CPEB1: variants seen among roughly 807,000 people sequenced by gnomAD.
CPEB1 encodes the protein cytoplasmic polyadenylation element binding protein 1.
CPEB1 carries 7 observed loss-of-function variants against 65.8 expected under a neutral mutation model. That is an observed-to-expected ratio of 0.11 (90% CI 0.06 to 0.20). The LOEUF is 0.20. Ranked by LOEUF, CPEB1 falls within the 10% of genes least tolerant of loss-of-function variation. CPEB1 has a pLI of 1.00. For missense variants in CPEB1, 551 were observed against 712.2 expected (o/e 0.77, Z 2.58); for synonymous variants, 262 against 260.0 (o/e 1.01, Z -0.08).
At chr15:82,602,850 C>A (rs1441693243) in intron 3 of CPEB1, among the ~76,000 whole-genome samples, 4 of 151,656 alleles carry the variant, frequency 2.6e-5, no homozygotes, top group African/African-American at 9.7e-5. Flanking sequence ...ATCTCAAAAA[C>A]TAAATAAATA....
intron 3 of CPEB1, chr15:82,573,080 G>C: frequency 2.6e-6 from 4 of 1,535,614 alleles, no homozygotes; most frequent in Non-Finnish European, 2.6e-6. Flanking sequence ...AAGCAGATAC[G>C]GGAAGCATGC....
rs373989343 is a variant in CPEB1, at chr15:82,626,370, G to A, written c.271+823C>T. On this transcript the variant is annotated intron_variant, in intron 3 of 12. Coordinates refer to ENST00000684509, the MANE Select transcript of CPEB1 (RefSeq NM_001365242.1). ...AACCGCTTGAACCAGGGAGTTGGAG[G>A]TTGCAGTGAGCCGAGATCACACCAC... 6.6e-5 allele frequency among the ~76,000 whole-genome samples: 10 copies of A among 151,786 alleles called. No homozygotes were observed. In the East Asian group the frequency reaches 1.9e-3, roughly 29 times the overall value.
intron 1 of CPEB1, among the ~76,000 whole-genome samples, chr15:82,640,379 A>C (rs944476245): frequency 6.6e-6 from 1 of 152,160 alleles, no homozygotes; most frequent in African/African-American, 2.4e-5. Context: ...TCTCTTGCAC[A>C]TAGGAACACA....
At chr15:82,598,689 G>A (rs192412808) in intron 3 of CPEB1, among the ~76,000 whole-genome samples, 1 of 152,208 alleles carries the variant, frequency 6.6e-6, no homozygotes, top group Non-Finnish European at 1.5e-5. Context: ...GGAGGCTGAG[G>A]CAGGAGAATC....
At chr15:82,593,128 A>G (rs2042395286) in intron 3 of CPEB1, among the ~76,000 whole-genome samples, 1 of 152,202 alleles carries the variant, frequency 6.6e-6, no homozygotes. Flanking sequence ...GGCTGGGTTA[A>G]CTGCGGCAAT....
At chr15:82,614,466 A>T (rs947792609) in intron 3 of CPEB1, among the ~76,000 whole-genome samples, 1 of 152,214 alleles carries the variant, frequency 6.6e-6, no homozygotes, top group African/African-American at 2.4e-5. Flanking sequence ...CACAATGATA[A>T]TCTAAGTAAT....
intron 4 of CPEB1, among the ~76,000 whole-genome samples, chr15:82,564,127 T>C (rs1323795847): frequency 2.6e-5 from 4 of 152,204 alleles, no homozygotes; most frequent in African/African-American, 4.8e-5. Context: ...CCTACTCCAA[T>C]AGCAATTAGC....
At chr15:82,598,841 A>G (rs2042878374) in intron 3 of CPEB1, among the ~76,000 whole-genome samples, 1 of 152,130 alleles carries the variant, frequency 6.6e-6, no homozygotes, top group African/African-American at 2.4e-5. Context: ...ATTACAACCA[A>G]TATTGACCAA....
intron 1 of CPEB1, among the ~76,000 whole-genome samples, chr15:82,643,909 T>C (rs1308207982): frequency 2.6e-5 from 4 of 152,226 alleles, no homozygotes; most frequent in African/African-American, 9.6e-5. Flanking sequence ...AGGTGAGATT[T>C]AGTAAGCTCC....
At chr15:82,573,044 T>C in intron 3 of CPEB1, 1 of 1,535,038 alleles carries the variant, frequency 6.5e-7, no homozygotes, top group Non-Finnish European at 8.7e-7. Flanking sequence ...TCCACCTGCT[T>C]GTTCTCCCCT....
intron 4 of CPEB1, among the ~76,000 whole-genome samples, chr15:82,568,541 A>G (rs1218771029): frequency 2.0e-5 from 3 of 152,328 alleles, no homozygotes; most frequent in Middle Eastern, 3.4e-3. Context: ...TGCAGGTACA[A>G]TTCTCAAAAA....
At chr15:82,633,796 G>A (rs1025705748) in intron 1 of CPEB1, among the ~76,000 whole-genome samples, 7 of 152,164 alleles carry the variant, frequency 4.6e-5, no homozygotes. Context: ...AAAGGTGAGG[G>A]AAATGGTCTG....
At chr15:82,638,102 G>C in intron 1 of CPEB1, 1 of 331,692 alleles carries the variant, frequency 3.0e-6, no homozygotes, top group South Asian at 2.5e-5. Context: ...TGAAGTATAT[G>C]AAGAAAATCC....
In CPEB1 at chr15:82,549,675, G is replaced by A; in HGVS notation, c.1282-17C>T. The A allele has an allele frequency of 1.2e-6, 2 of 1,612,998 alleles. No homozygotes were observed. The highest frequency in any genetic ancestry group is 1.3e-5 in the African/African-American group (1 of 74,996). Reference sequence around the variant, plus strand: ...CACCTGCACCTGAAAACCACCCAAAGGTGTATCAGCCCTGGCAGAGAGCCA... The same window carrying A: ...CACCTGCACCTGAAAACCACCCAAAAGTGTATCAGCCCTGGCAGAGAGCCA... On this transcript the variant is annotated splice_polypyrimidine_tract_variant and intron_variant, in intron 9 of 12. Coordinates refer to ENST00000684509, the MANE Select transcript of CPEB1 (RefSeq NM_001365242.1).
intron 4 of CPEB1, among the ~76,000 whole-genome samples, chr15:82,559,477 C>G (rs1197208470): frequency 6.6e-6 from 1 of 152,136 alleles, no homozygotes; most frequent in African/African-American, 2.4e-5. Flanking sequence ...GAACTATATA[C>G]CATTTTACAT....
At chr15:82,569,518 A>G (rs2039690070) in intron 4 of CPEB1, among the ~76,000 whole-genome samples, 1 of 152,224 alleles carries the variant, frequency 6.6e-6, no homozygotes, top group South Asian at 2.1e-4. Flanking sequence ...GGAAAGTGGA[A>G]AAGAAAAACC....
intron 3 of CPEB1, among the ~76,000 whole-genome samples, chr15:82,609,864 C>T (rs2043964106): frequency 6.6e-6 from 1 of 151,954 alleles, no homozygotes; most frequent in Non-Finnish European, 1.5e-5. Context: ...AGTTTGAGAT[C>T]AGCCCAATCA....
At position 82,544,272 on chromosome 15, in the gene CPEB1, G is replaced by GTTTTTTTTTT; in HGVS notation, c.*310_*319dup. 7.7e-6 allele frequency: 1 copy of GTTTTTTTTTT among 130,320 alleles called. No individual in the cohort carries two copies. The highest frequency in any genetic ancestry group is 1.5e-5 in the Non-Finnish European group (1 of 65,862). The allele number at this position is 130,320 out of a possible 1,614,324, so 8.1% of individuals were successfully genotyped here. ...TACCTCAATACCTTCTGGACACGTA[G>GTTTTTTTTTT]TTTTTTTTTTTTTTTTTTTTTTCCC... is the stretch of plus-strand genomic sequence containing the variant. On this transcript the variant is annotated 3_prime_UTR_variant, in exon 13 of 13. Coordinates refer to ENST00000684509, the MANE Select transcript of CPEB1 (RefSeq NM_001365242.1).
At chr15:82,645,467 C>T (rs1383677948) in intron 1 of CPEB1, among the ~76,000 whole-genome samples, 1 of 152,030 alleles carries the variant, frequency 6.6e-6, no homozygotes, top group African/African-American at 2.4e-5. Flanking sequence ...TTTTTTATTA[C>T]AAAGGTTGAC....
Sources: gnomAD v4.1 joint callset for allele counts (sites outside exome capture counted in the v4.1 genomes callset) on GRCh38, gnomAD v4.1.1 for gene constraint, MANE v1.5 for transcripts, NCBI Gene and HGNC (gene_info 2026-07-23, HGNC 2026-07-21) for gene names.